Variants in TRPM3 observed in about 807,000 individuals in gnomAD.
TRPM3 encodes the protein long transient receptor potential channel 3.
Under a neutral mutation model 181.2 loss-of-function variants are expected in TRPM3, and 77 were observed. The observed-to-expected ratio is 0.42, with a 90% CI of 0.35 to 0.51. TRPM3 has a LOEUF of 0.51. Among genes scored for constraint, TRPM3 ranks in the 20% least tolerant of loss-of-function variants. TRPM3 has a pLI of 0.01. For missense variants in TRPM3, 1,759 were observed against 2,196.7 expected (o/e 0.80, Z 3.98); for synonymous variants, 745 against 796.4 (o/e 0.94, Z 1.09).
chr9:70,846,816 A>T (rs1435994917), intron 3 of TRPM3, among the ~76,000 whole-genome samples: 1 of 152,224 alleles, frequency 6.6e-6, no homozygotes, highest in Non-Finnish European at 1.5e-5. Flanking sequence ...TTCTGAAATT[A>T]TTAGATTTTC....
rs570098052 is a variant in TRPM3 at position 70,555,902 on chromosome 9, A to G, written c.3224-2592T>C. On this transcript the variant is annotated intron_variant, in intron 22 of 25. Transcript: ENST00000677713. ...TGCTTGGGGTTAAGTTAGAGAACTT[A>G]CATGATTTTTACAAATGTGTTCCCT... 1.8e-4 allele frequency among the ~76,000 whole-genome samples: 28 copies of G among 152,330 alleles called. 1 individual carries two copies. The highest frequency in any genetic ancestry group is 6.5e-4 in the African/African-American group (27 of 41,576).
chr9:71,114,264 G>A (rs991976187), intron 1 of TRPM3, among the ~76,000 whole-genome samples: 1 of 152,092 alleles, frequency 6.6e-6, no homozygotes, highest in African/African-American at 2.4e-5. Context: ...ATGAAGTACA[G>A]AAGAACCAAT....
chr9:71,257,140 C>T (rs1013546992), intron 1 of TRPM3, among the ~76,000 whole-genome samples: 1 of 152,034 alleles, frequency 6.6e-6, no homozygotes, highest in Non-Finnish European at 1.5e-5. Context: ...TTAAAGTTAT[C>T]CTTCTAAAGT....
chr9:70,952,232 G>A (rs1377431104), intron 1 of TRPM3, among the ~76,000 whole-genome samples: 1 of 152,122 alleles, frequency 6.6e-6, no homozygotes, highest in Non-Finnish European at 1.5e-5. Flanking sequence ...TGATTCCATA[G>A]CCTGGGAATG....
chr9:70,739,237 C>G (rs2073448921), intron 8 of TRPM3, among the ~76,000 whole-genome samples: 2 of 152,140 alleles, frequency 1.3e-5, no homozygotes, highest in East Asian at 1.9e-4. Flanking sequence ...TAAGAAAATA[C>G]TAGCTAACCA....
chr9:71,414,609 A>G (rs1052468473), intron 1 of TRPM3, among the ~76,000 whole-genome samples: 4 of 152,078 alleles, frequency 2.6e-5, no homozygotes, highest in Non-Finnish European at 4.4e-5. Flanking sequence ...GAATATTATA[A>G]GTTGGACTGT....
At chr9:70,765,360 G>A (rs968958490) in intron 7 of TRPM3, among the ~76,000 whole-genome samples, 1 of 152,132 alleles carries the variant, frequency 6.6e-6, no homozygotes, top group Non-Finnish European at 1.5e-5. Context: ...GAAGCCAGAG[G>A]CGGGTGGATC....
chr9:70,900,539 A>C (rs1459522064), intron 1 of TRPM3, among the ~76,000 whole-genome samples: 5 of 152,220 alleles, frequency 3.3e-5, no homozygotes, highest in Admixed American at 2.0e-4. Context: ...TTTCTTTCCA[A>C]AGGCGTATTC....
intron 1 of TRPM3, among the ~76,000 whole-genome samples, chr9:70,872,982 T>C (rs1197731885): frequency 6.6e-6 from 1 of 151,990 alleles, no homozygotes; most frequent in African/African-American, 2.4e-5. Context: ...TAATATACAA[T>C]ACACAAGGAA....
chr9:70,968,284 C>T (rs2097205491), intron 1 of TRPM3, among the ~76,000 whole-genome samples: 1 of 151,922 alleles, frequency 6.6e-6, no homozygotes, highest in African/African-American at 2.4e-5. Context: ...AAGATATGTC[C>T]CTACAATGGG....
At chr9:70,946,003 A>G (rs1029981208) in intron 1 of TRPM3, among the ~76,000 whole-genome samples, 3 of 152,214 alleles carry the variant, frequency 2.0e-5, no homozygotes, top group Admixed American at 6.5e-5. Flanking sequence ...TTGGTCAGAA[A>G]AGTGAAGCAG....
intron 22 of TRPM3, among the ~76,000 whole-genome samples, chr9:70,582,221 A>G (rs539733305): frequency 6.6e-6 from 1 of 150,812 alleles, no homozygotes; most frequent in South Asian, 2.1e-4. Context: ...TCATGAATCC[A>G]TGATCACTAC....
At chr9:71,154,671 T>C (rs937595583) in intron 1 of TRPM3, among the ~76,000 whole-genome samples, 3 of 152,196 alleles carry the variant, frequency 2.0e-5, no homozygotes, top group African/African-American at 7.2e-5. Flanking sequence ...TACATCACCT[T>C]GGCAGTCCTA....
At chr9:70,810,378 T>C (rs1253147182) in intron 6 of TRPM3, among the ~76,000 whole-genome samples, 2 of 148,288 alleles carry the variant, frequency 1.3e-5, no homozygotes, top group Non-Finnish European at 3.0e-5. Context: ...GGAGGTCCTC[T>C]TCTTGCCTCC....
At chr9:70,955,890 T>TTAA (rs2097063927) in intron 1 of TRPM3, among the ~76,000 whole-genome samples, 1 of 152,206 alleles carries the variant, frequency 6.6e-6, no homozygotes, top group South Asian at 2.1e-4. Flanking sequence ...AGCGCTATTA[T>TTAA]TGTTATTTGG....
intron 22 of TRPM3, among the ~76,000 whole-genome samples, chr9:70,585,180 C>T (rs373566603): frequency 3.9e-5 from 6 of 152,146 alleles, no homozygotes; most frequent in Admixed American, 6.6e-5. Flanking sequence ...TTGGTTTTTG[C>T]GCTTGCACTG....
chr9:71,040,956 C>T (rs1036822733), intron 1 of TRPM3, among the ~76,000 whole-genome samples: 4 of 152,024 alleles, frequency 2.6e-5, no homozygotes, highest in African/African-American at 4.8e-5. Context: ...CTGAAGGAAA[C>T]GGAGGGGACG....
intron 1 of TRPM3, among the ~76,000 whole-genome samples, chr9:71,351,869 TG>T (rs1272002096): frequency 3.7e-4 from 40 of 107,102 alleles, no homozygotes; most frequent in Non-Finnish European, 6.2e-4. Context: ...TTTGTTTGTT[TG>T]TTTTTGTTTT....
Position 71,330,192 on chromosome 9 carries a change from C to T in TRPM3, c.183+116461G>A, listed in dbSNP as rs368868944. Among the ~76,000 whole-genome samples the T allele has an allele frequency of 5.9e-5, 9 of 151,958 alleles. No individual in the cohort carries two copies. In the East Asian group the frequency reaches 1.5e-3, roughly 26 times the overall value. ...CCACACACAGGAACATCTCCCTAAT[C>T]TTGGCTAATTAGAGCAGAAATTGCA... On this transcript the variant is annotated intron_variant, in intron 1 of 24. Transcript: ENST00000357533.
Sources: allele counts gnomAD v4.1 joint callset (sites outside exome capture counted in the v4.1 genomes callset), GRCh38; gene constraint gnomAD v4.1.1; transcripts MANE v1.5; gene names NCBI Gene and HGNC (gene_info 2026-07-23, HGNC 2026-07-21).